KLRD1: variants seen among roughly 807,000 people sequenced by gnomAD.
KLRD1 encodes natural killer cells antigen CD94.
A neutral mutation model predicts 22.6 loss-of-function variants in KLRD1; 21 were observed. The ratio of observed to expected loss-of-function variants is 0.93; its 90% CI spans 0.66 to 1.34. The LOEUF (loss-of-function observed/expected upper bound fraction) is 1.34. KLRD1 is among the 40% of genes most tolerant of loss of function. The pLI is 0.00. For synonymous variants in KLRD1, 59 were observed against 71.1 expected (o/e 0.83, Z 0.85); for missense variants, 183 against 208.6 (o/e 0.88, Z 0.76).
intron 1 of KLRD1, among the ~76,000 whole-genome samples, chr12:10,268,827 T>C (rs1351037760): frequency 6.6e-6 from 1 of 152,208 alleles, no homozygotes; most frequent in African/African-American, 2.4e-5. Flanking sequence ...TCAAGTTAAA[T>C]ACGTTTGTAT....
At chr12:10,293,761 A>G (rs1423656594) in intron 1 of KLRD1, among the ~76,000 whole-genome samples, 1 of 152,220 alleles carries the variant, frequency 6.6e-6, no homozygotes, top group East Asian at 1.9e-4. Flanking sequence ...TTTGTAAAAA[A>G]TGCCACACCT....
chr12:10,284,909 A>T lies in KLRD1; in HGVS notation c.-100-23069A>T, dbSNP rs534385398. Among the ~76,000 whole-genome samples the T allele has an allele frequency of 2.5e-3, 388 of 152,244 alleles. 1 individual carries two copies. Among genetic ancestry groups the T allele is most frequent in the African/African-American group, 8.9e-3 (369 of 41,542 alleles). On this transcript the variant is annotated intron_variant, in intron 1 of 5. Transcript: ENST00000544747. Reference sequence around the variant, plus strand: ...GGCAGGAGAATTGCTTGAACCTGGGAGGCGGAGGTTGCGGTGAGCCCAGAT... The same window carrying T: ...GGCAGGAGAATTGCTTGAACCTGGGTGGCGGAGGTTGCGGTGAGCCCAGAT...
At chr12:10,266,719 A>T (rs1180016906) in intron 1 of KLRD1, among the ~76,000 whole-genome samples, 4 of 151,872 alleles carry the variant, frequency 2.6e-5, no homozygotes, top group Non-Finnish European at 5.9e-5. Flanking sequence ...ATATATATGC[A>T]CACATTATTT....
At chr12:10,245,262 G>A (rs1270219666) in intron 1 of KLRD1, among the ~76,000 whole-genome samples, 2 of 152,130 alleles carry the variant, frequency 1.3e-5, no homozygotes, top group African/African-American at 4.8e-5. Flanking sequence ...GGAGGCTGCA[G>A]CAGGAGAATC....
intron 1 of KLRD1, among the ~76,000 whole-genome samples, chr12:10,271,686 C>T (rs1949550923): frequency 6.6e-6 from 1 of 152,020 alleles, no homozygotes; most frequent in Non-Finnish European, 1.5e-5. Flanking sequence ...TAAAAAAATG[C>T]ATCCAACAAC....
intron 1 of KLRD1, 135 bp from the exon 2 acceptor site, chr12:10,309,253 A>C: frequency 1.7e-6 from 1 of 584,974 alleles, no homozygotes; most frequent in South Asian, 2.5e-5. Context: ...GAAAGTCTTC[A>C]GTGTTTTATT....
intron 1 of KLRD1, among the ~76,000 whole-genome samples, chr12:10,288,850 A>G (rs1014509526): frequency 6.6e-6 from 1 of 152,240 alleles, no homozygotes; most frequent in Non-Finnish European, 1.5e-5. Context: ...GAGAATGTAT[A>G]AAGTGTTTAA....
rs1950286505 is a variant in KLRD1 at position 10,319,153 on chromosome 12, G to A, written c.*4360G>A. The A allele has an allele frequency of 6.6e-6, 1 of 152,200 alleles. No homozygotes were observed. Among genetic ancestry groups the A allele is most frequent in the Non-Finnish European group, 1.5e-5 (1 of 68,038 alleles). The allele number at this position is 152,200 out of a possible 1,614,324, so 9.4% of individuals were successfully genotyped here. ...AAAGAATTTTATTGACAAAACATAT[G>A]GTGAGACAGATTTGGTCCACAGGCC... On this transcript the variant is annotated 3_prime_UTR_variant, in exon 6 of 6. Transcript: ENST00000336164.
chr12:10,270,153 A>G (rs1592044079), intron 1 of KLRD1, among the ~76,000 whole-genome samples: 1 of 152,190 alleles, frequency 6.6e-6, no homozygotes, highest in East Asian at 1.9e-4. Flanking sequence ...CCACTCAGCT[A>G]TCCACTAACA....
chr12:10,244,107 C>G lies in KLRD1; in HGVS notation c.-101+17874C>G, dbSNP rs187821308. Among the ~76,000 whole-genome samples, 148 of 152,162 alleles carry G rather than the reference C, an allele frequency of 9.7e-4. 2 individuals carry two copies. The highest frequency in any genetic ancestry group is 3.3e-3 in the African/African-American group (137 of 41,498). On this transcript the variant is annotated intron_variant, in intron 1 of 5. Transcript: ENST00000544747. ...GGCAAATAGGTCACTTGTTGTTGGT[C>G]AAGCGCTCAGGCAATTTTTTAAAGG...
At chr12:10,289,408 A>ATTCATAAAC (rs1949744225) in intron 1 of KLRD1, among the ~76,000 whole-genome samples, 1 of 152,228 alleles carries the variant, frequency 6.6e-6, no homozygotes, top group South Asian at 2.1e-4. Flanking sequence ...TGTTTTCTCC[A>ATTCATAAAC]TTCTGGCTTC....
intron 1 of KLRD1, among the ~76,000 whole-genome samples, chr12:10,287,962 G>A (rs1006622742): frequency 4.6e-5 from 7 of 152,018 alleles, no homozygotes; most frequent in African/African-American, 1.5e-4. Context: ...CAGCTACTCA[G>A]GAGGCTGAGG....
At chr12:10,259,068 C>T (rs1231418535) in intron 1 of KLRD1, among the ~76,000 whole-genome samples, 2 of 152,152 alleles carry the variant, frequency 1.3e-5, no homozygotes, top group East Asian at 3.9e-4. Context: ...GGGGATGCTT[C>T]TACTTTTGAG....
chr12:10,245,778 A>G (rs888823291), intron 1 of KLRD1, among the ~76,000 whole-genome samples: 1 of 152,122 alleles, frequency 6.6e-6, no homozygotes. Flanking sequence ...ATTTCCTATT[A>G]TAGTTTCTCT....
At chr12:10,290,808 A>C (rs1431930397) in intron 1 of KLRD1, among the ~76,000 whole-genome samples, 2 of 152,194 alleles carry the variant, frequency 1.3e-5, no homozygotes, top group African/African-American at 4.8e-5. Context: ...GAATTTACAC[A>C]TGATAAAACT....
In KLRD1 at chr12:10,323,864, C is replaced by CTTTTTTTTTTTTTTTTTTTTTCTTTTTTT. The variant is rs3983613; in HGVS notation, c.*9086_*9087insTTTTTTCTTTTTTTTTTTTTTTTTTTTTT. ...TTCCCTTTTATTTCTTATTTCTTTC[C>CTTTTTTTTTTTTTTTTTTTTTCTTTTTTT]TTTTTTTTTTTTTTTGAGACTGAGT... On this transcript the variant is annotated 3_prime_UTR_variant, in exon 6 of 6. Transcript: ENST00000336164. The CTTTTTTTTTTTTTTTTTTTTTCTTTTTTT allele has an allele frequency of 9.4e-6, 1 of 106,340 alleles. No homozygotes were observed. The highest frequency in any genetic ancestry group is 3.3e-5 in the African/African-American group (1 of 30,268). The allele number at this position is 106,340 out of a possible 1,614,324, so 6.6% of individuals were successfully genotyped here. A position where few individuals can be genotyped will look rare whatever the true frequency, so the allele number is the denominator to read the frequency against.
At chr12:10,291,904 G>A (rs760615003) in intron 1 of KLRD1, among the ~76,000 whole-genome samples, 23 of 152,032 alleles carry the variant, frequency 1.5e-4, no homozygotes, top group Non-Finnish European at 3.4e-4. Flanking sequence ...TTGGTTTTCT[G>A]TTCCTGTATT....
At chr12:10,297,450 CATTT>C (rs1949831964) in intron 1 of KLRD1, among the ~76,000 whole-genome samples, 1 of 151,912 alleles carries the variant, frequency 6.6e-6, no homozygotes, top group African/African-American at 2.4e-5. Flanking sequence ...ATTTTTAAAA[CATTT>C]AGACTATTAT....
At chr12:10,243,528 C>T (rs545427718) in intron 1 of KLRD1, among the ~76,000 whole-genome samples, 5 of 141,596 alleles carry the variant, frequency 3.5e-5, no homozygotes, top group East Asian at 2.2e-4. Context: ...GCAGGAGAAT[C>T]GCTTGAACCC....
Sources: gnomAD v4.1 joint callset for allele counts (sites outside exome capture counted in the v4.1 genomes callset) on GRCh38, gnomAD v4.1.1 for gene constraint, MANE v1.5 for transcripts, NCBI Gene and HGNC (gene_info 2026-07-23, HGNC 2026-07-21) for gene names.